USP32: variants seen among roughly 807,000 people sequenced by gnomAD.
The protein encoded by USP32 is ubiquitin carboxyl-terminal hydrolase 32.
Under a neutral mutation model 204.8 loss-of-function variants are expected in USP32, and 59 were observed. The observed-to-expected ratio is 0.29, with a 90% confidence interval of 0.23 to 0.36. USP32 has a LOEUF of 0.36. Among genes scored for constraint, USP32 ranks in the 10% least tolerant of loss-of-function variants. USP32 has a pLI of 1.00. For synonymous variants in USP32, 517 were observed against 678.4 expected (o/e 0.76, Z 3.70); for missense variants, 1,160 against 1,946.4 (o/e 0.60, Z 7.60).
chr17:60,391,876 C>G lies in USP32; in HGVS notation c.58+6G>C, dbSNP rs757344444. ...AGGCAGCTCGCCCAGACCCCTCCCC[C>G]CTCACCTCTCCTCAGCGCCTCCTCG... On this transcript the variant is annotated splice_donor_region_variant and intron_variant, in intron 1 of 33. Coordinates refer to ENST00000300896, the MANE Select transcript of USP32 (RefSeq NM_032582.4). 3 of 1,610,368 alleles carry G rather than the reference C, an allele frequency of 1.9e-6. No homozygotes were observed. Among genetic ancestry groups the G allele is most frequent in the South Asian group, 2.2e-5 (2 of 90,406 alleles).
chr17:60,361,396 T>G (rs1321650627), intron 1 of USP32, among the ~76,000 whole-genome samples: 1 of 152,244 alleles, frequency 6.6e-6, no homozygotes, highest in Non-Finnish European at 1.5e-5. Flanking sequence ...ATTCCTTATG[T>G]GCTGTATAGT....
intron 1 of USP32, among the ~76,000 whole-genome samples, chr17:60,397,877 T>A (rs2089910302): frequency 1.3e-5 from 2 of 152,066 alleles, no homozygotes; most frequent in Non-Finnish European, 2.9e-5. Context: ...TTTAAGAGTT[T>A]TACAGTGGGA....
chr17:60,197,565 T>C (rs2084554615), intron 27 of USP32, among the ~76,000 whole-genome samples: 1 of 151,978 alleles, frequency 6.6e-6, no homozygotes, highest in South Asian at 2.1e-4. Flanking sequence ...GATCGTGCCA[T>C]TGCACTCCAA....
intron 1 of USP32, among the ~76,000 whole-genome samples, chr17:60,355,103 A>C (rs1281081670): frequency 6.6e-6 from 1 of 152,240 alleles, no homozygotes; most frequent in Non-Finnish European, 1.5e-5. Flanking sequence ...CAGCATAAAA[A>C]GGAGAAAACG....
At chr17:60,349,596 A>ATATATATATATAATAT (rs1249040514) in intron 1 of USP32, among the ~76,000 whole-genome samples, 1 of 65,202 alleles carries the variant, frequency 1.5e-5, no homozygotes. Context: ...AAAAAAAAAA[A>ATATATATATATAATAT]ATATATATAT....
chr17:60,182,217 A>G (rs2084129774), intron 31 of USP32, among the ~76,000 whole-genome samples: 1 of 152,250 alleles, frequency 6.6e-6, no homozygotes. Flanking sequence ...CTTTTTGGTT[A>G]TAGCCTCTTA....
chr17:60,270,572 C>G (rs567418832), intron 6 of USP32, among the ~76,000 whole-genome samples: 42 of 152,084 alleles, frequency 2.8e-4, no homozygotes, highest in Admixed American at 1.4e-3. Context: ...GCCTGTAATC[C>G]CAGCACTTTG....
At chr17:60,211,148 A>G in intron 20 of USP32, 30 bp from the exon 21 acceptor site, 1 of 1,603,526 alleles carries the variant, frequency 6.2e-7, no homozygotes, top group Non-Finnish European at 8.5e-7. Flanking sequence ...ATTTGTTGCC[A>G]AAGATTCTCA....
chr17:60,341,075 C>A (rs539406025), intron 2 of USP32, among the ~76,000 whole-genome samples: 1 of 152,136 alleles, frequency 6.6e-6, no homozygotes, highest in South Asian at 2.1e-4. Context: ...GTGGGTAACT[C>A]GACCTTTCTC....
At chr17:60,400,093 T>C (rs1435008550) in intron 1 of USP32, among the ~76,000 whole-genome samples, 1 of 152,002 alleles carries the variant, frequency 6.6e-6, no homozygotes, top group East Asian at 1.9e-4. Flanking sequence ...GCCTCCTGAG[T>C]AGCTGGGATT....
Position 60,364,644 on chromosome 17 carries a change from G to A in USP32, c.59-19036C>T, listed in dbSNP as rs539790061. Among the ~76,000 whole-genome samples the A allele has an allele frequency of 9.9e-5, 15 of 152,272 alleles. No homozygotes were observed. In the East Asian group the frequency reaches 1.7e-3, roughly 18 times the overall value. On this transcript the variant is annotated intron_variant, in intron 1 of 33. Transcript: ENST00000300896. ...TGCCTGCCTTGCCTCCCAAAGTGCC[G>A]GGATTATGGGCGAGAGCCACCACAC...
intron 12 of USP32, among the ~76,000 whole-genome samples, chr17:60,229,801 T>G: frequency 6.6e-6 from 1 of 152,212 alleles, no homozygotes; most frequent in East Asian, 1.9e-4. Flanking sequence ...GTTGATGCAT[T>G]ACAAATTACT....
rs1472357715 is a variant in USP32 at position 60,315,390 on chromosome 17, G to C, written c.187-13686C>G. ...ACTCCACACTCCAGCCTGGGCGACA[G>C]AGTGAGACTCCATCTCAAAAAATAA... On this transcript the variant is annotated intron_variant, in intron 2 of 33. Coordinates refer to ENST00000300896, the MANE Select transcript of USP32 (RefSeq NM_032582.4). Among the ~76,000 whole-genome samples, 5 of 152,256 alleles carry C rather than the reference G, an allele frequency of 3.3e-5. No individual in the cohort carries two copies. In the East Asian group the frequency reaches 9.6e-4, roughly 29 times the overall value.
intron 2 of USP32, among the ~76,000 whole-genome samples, chr17:60,311,349 T>C (rs1260318717): frequency 2.6e-5 from 4 of 152,236 alleles, no homozygotes; most frequent in Non-Finnish European, 5.9e-5. Flanking sequence ...ACTGTTATAC[T>C]AATATATAAA....
chr17:60,260,267 T>C (rs2086419639), intron 9 of USP32, among the ~76,000 whole-genome samples: 1 of 152,148 alleles, frequency 6.6e-6, no homozygotes, highest in African/African-American at 2.4e-5. Flanking sequence ...ATGCCTGTAA[T>C]CCCAGCACTT....
chr17:60,234,875 T>G (rs2085680141), intron 12 of USP32, among the ~76,000 whole-genome samples: 1 of 152,138 alleles, frequency 6.6e-6, no homozygotes, highest in Non-Finnish European at 1.5e-5. Context: ...ACTTCATTCT[T>G]AAGTAAATTT....
chr17:60,261,451 AGCCTG>A, intron 9 of USP32, among the ~76,000 whole-genome samples: 1 of 152,122 alleles, frequency 6.6e-6, no homozygotes, highest in Non-Finnish European at 1.5e-5. Flanking sequence ...GTTTGAGACC[AGCCTG>A]GGTAACATGG....
intron 29 of USP32, among the ~76,000 whole-genome samples, chr17:60,186,746 T>G (rs1057048253): frequency 6.6e-6 from 1 of 151,890 alleles, no homozygotes; most frequent in African/African-American, 2.4e-5. Context: ...GGATGTAAGT[T>G]GGGGGTGGTG....
At chr17:60,378,884 A>G (rs1004819360) in intron 1 of USP32, among the ~76,000 whole-genome samples, 4 of 152,140 alleles carry the variant, frequency 2.6e-5, no homozygotes, top group Non-Finnish European at 4.4e-5. Context: ...CACTAATTGT[A>G]CATTTTTTAA....
Sources: allele counts gnomAD v4.1 joint callset (sites outside exome capture counted in the v4.1 genomes callset), GRCh38; gene constraint gnomAD v4.1.1; transcripts MANE v1.5; gene names NCBI Gene and HGNC (gene_info 2026-07-23, HGNC 2026-07-21).